The following MYO15A variants were observed in gnomAD, a reference collection of about 807,000 sequenced individuals.
MYO15A encodes the protein myosin XVA.
MYO15A carries 308 observed loss-of-function variants against 394.6 expected under a neutral mutation model. That is an observed-to-expected ratio of 0.78 (90% CI 0.71 to 0.86). The LOEUF is 0.86. MYO15A is among the 40% of genes least tolerant of loss of function. MYO15A has a pLI of 0.00. For synonymous variants in MYO15A, 1,957 were observed against 2,003.8 expected, an observed-to-expected ratio of 0.98 and a Z score of 0.62; for missense variants, 4,606 against 4,799.1, an observed-to-expected ratio of 0.96 and a Z score of 1.19.
chr17:18,126,564 A>G, intron 5 of MYO15A, 108 bp downstream of exon 5: 1 of 1,164,964 alleles, frequency 8.6e-7, no homozygotes, highest in Non-Finnish European at 1.2e-6. Flanking sequence ...GGTAATGGGG[A>G]AAGGCAGCCC....
rs370844496 is a variant in MYO15A at position 18,136,589 on chromosome 17, C to T, written c.4682C>T (p.Ala1561Val). The stretch of plus-strand genomic sequence containing the variant: ...GACGCCATCGCCAAGGTCTTGTATG[C>T]ACTGCTGTTCAGCTGGCTCATCACC... Reference protein sequence around the residue: ...ARDAIAKVLYALLFSWLITRV... With the variant: ...ARDAIAKVLYVLLFSWLITRV... The change falls in exon 15 of 66, where the codon GCA (alanine) becomes GTA (valine). Residue 1561 changes from alanine to valine, a missense_variant. This residue lies in a region of MYO15A where 2,776 missense variants were observed against 3,109.3 expected (regional missense o/e 0.89). Transcript: ENST00000647165. 42 of 1,613,938 alleles carry T rather than the reference C, an allele frequency of 2.6e-5. No individual in the cohort carries two copies. The highest frequency in any genetic ancestry group is 2.7e-5 in the Non-Finnish European group (32 of 1,180,058).
At chr17:18,175,589 C>T (rs867666272) in intron 65 of MYO15A, among the ~76,000 whole-genome samples, 3 of 152,124 alleles carry the variant, frequency 2.0e-5, no homozygotes, top group Admixed American at 1.3e-4. Context: ...AGCCACCACT[C>T]CTGGCCCCCT....
At position 18,141,650 on chromosome 17, in the gene MYO15A, C is replaced by A. The variant is rs1246874281; in HGVS notation, c.5532-3C>A. On this transcript the variant is annotated splice_region_variant and splice_polypyrimidine_tract_variant and intron_variant, in intron 22 of 65. Coordinates refer to ENST00000647165, the MANE Select transcript of MYO15A (RefSeq NM_016239.4). Reference sequence around the variant, plus strand: ...CCCAGACTAACTTTGGGCCCCCTACCAGGTACTGCTGTCTAGTGGCCCTCA... The same window carrying A: ...CCCAGACTAACTTTGGGCCCCCTACAAGGTACTGCTGTCTAGTGGCCCTCA... The A allele has an allele frequency of 6.2e-7, 1 of 1,613,672 alleles. No homozygotes were observed. Among genetic ancestry groups the A allele is most frequent in the Non-Finnish European group, 8.5e-7 (1 of 1,179,824 alleles).
intron 44 of MYO15A, among the ~76,000 whole-genome samples, chr17:18,154,427 G>C (rs533967199): frequency 6.6e-6 from 1 of 152,198 alleles, no homozygotes; most frequent in African/African-American, 2.4e-5. Flanking sequence ...GAGATCAAAT[G>C]TAAACCCTGT....
chr17:18,131,447 T>C (rs1436804335), intron 9 of MYO15A, 21 bp from the exon 10 acceptor site: 1 of 1,613,858 alleles, frequency 6.2e-7, no homozygotes, highest in African/African-American at 1.3e-5. Context: ...CACTGAGAGC[T>C]GACTGTGCTC....
At chr17:18,156,850 C>T in intron 48 of MYO15A, 104 bp from the exon 49 acceptor site, 1 of 1,045,556 alleles carries the variant, frequency 9.6e-7, no homozygotes, top group Non-Finnish European at 1.5e-6. Context: ...TGAAGGCTCC[C>T]TTCCCTGATG....
In MYO15A at chr17:18,122,409, G is replaced by A. The variant is rs2045956468; in HGVS notation, c.3609G>A (p.Lys1203=). The A allele has an allele frequency of 6.2e-7, 1 of 1,611,624 alleles. No homozygotes were observed. The highest frequency in any genetic ancestry group is 1.1e-5 in the South Asian group (1 of 90,866). ...TCGGCCCGCCAAGCTGGCGGAACAA[G>A]GTATGGAGGCACAGATTACACGGAG... ...EEVGPPSWRN[K]MHSIRNLPSM... Residue 1203 remains lysine, a splice_region_variant and synonymous_variant, in exon 2 of 66, where the codon AAG becomes AAA. Coordinates refer to ENST00000647165, the MANE Select transcript of MYO15A (RefSeq NM_016239.4).
intron 30 of MYO15A, among the ~76,000 whole-genome samples, chr17:18,146,413 T>G (rs977965033): frequency 1.3e-5 from 2 of 152,122 alleles, no homozygotes; most frequent in African/African-American, 4.8e-5. Flanking sequence ...GAGAGTTTAA[T>G]GGGGTGGTTA....
At chr17:18,133,526 T>G in intron 12 of MYO15A, 140 bp downstream of exon 12, 1 of 1,192,862 alleles carries the variant, frequency 8.4e-7, no homozygotes, top group Non-Finnish European at 1.1e-6. Flanking sequence ...CCTTTGGGGT[T>G]GTTCATCTTT....
In MYO15A at chr17:18,141,753, C is replaced by T. The variant is rs1193511895; in HGVS notation, c.5632C>T (p.Arg1878Cys). The change falls in exon 23 of 66, where the codon CGT (arginine) becomes TGT (cysteine). Residue 1878 changes from arginine (R) to cysteine (C), a missense_variant. Around this residue, in one of 2 missense-constraint regions of MYO15A, gnomAD observed 2,776 missense variants for 3,109.3 expected, o/e 0.89. Transcript: ENST00000647165. Reference protein sequence around the residue: ...RLCKVMPNMYRVGVSKLFLKE... With the variant: ...RLCKVMPNMYCVGVSKLFLKE... ...GTGCAAAGTCATGCCAAACATGTAC[C>T]GTGTTGGGGTCAGCAAGGTGAGTCC... 9 of 1,613,978 alleles carry T rather than the reference C, an allele frequency of 5.6e-6. No individual in the cohort carries two copies. The highest frequency in any genetic ancestry group is 2.2e-5 in the East Asian group (1 of 44,896).
rs776829342 is a variant in MYO15A at position 18,155,421 on chromosome 17, G to A, written c.8448G>A (p.Leu2816=). 1 of 1,613,222 alleles carries A rather than the reference G, an allele frequency of 6.2e-7. No homozygotes were observed. Among genetic ancestry groups the A allele is most frequent in the South Asian group, 1.1e-5 (1 of 91,076 alleles). The change falls in exon 47 of 66, where the codon CTG becomes CTA. Residue 2816 remains leucine, a synonymous_variant. Transcript: ENST00000647165. Reference sequence around the variant, plus strand: ...AGGCCGGCGGGCAGCTGCGGGTCCTGCGTGCATACAGGTGACCAGCAGGGG... The same window carrying A: ...AGGCCGGCGGGCAGCTGCGGGTCCTACGTGCATACAGGTGACCAGCAGGGG... ...GQEAGGQLRV[L]RAYSFADILF... is the part of the protein sequence containing the mutation.
In MYO15A at chr17:18,148,079, G is replaced by T; in HGVS notation, c.6560G>T (p.Arg2187Leu). 1 of 1,613,912 alleles carries T rather than the reference G, an allele frequency of 6.2e-7. No homozygotes were observed. The highest frequency in any genetic ancestry group is 1.1e-5 in the South Asian group (1 of 91,088). The change falls in exon 31 of 66, where the codon CGC becomes CTC. Residue 2187 changes from arginine to leucine, a missense_variant. Around this residue, in one of 2 missense-constraint regions of MYO15A, gnomAD observed 2,776 missense variants for 3,109.3 expected, o/e 0.89. Transcript: ENST00000647165. This position sits in a 1 kb window ranked among gnomAD's most constrained non-coding sequence, Gnocchi z 4.8. ...RNGFQAVCQH[R>L]LMQAMGRAQQ... The stretch of plus-strand genomic sequence containing the variant: ...GGCTTCCAGGCTGTGTGTCAGCACC[G>T]CCTCATGCAGGCCATGGGCCGGGCC...
rs1038038058 is a variant in MYO15A, at chr17:18,176,410, G to A, written c.10492-2359G>A. Among the ~76,000 whole-genome samples the A allele has an allele frequency of 2.0e-5, 3 of 152,048 alleles. No individual in the cohort carries two copies. In the East Asian group the frequency reaches 5.8e-4, roughly 29 times the overall value. Reference sequence around the variant, plus strand: ...CGTCTCTCGTGTGAACTATTAGAGTGAGGACTCACTCATTACCTTGGGTAA... The same window carrying A: ...CGTCTCTCGTGTGAACTATTAGAGTAAGGACTCACTCATTACCTTGGGTAA... On this transcript the variant is annotated intron_variant, in intron 65 of 65. Coordinates refer to ENST00000647165, the MANE Select transcript of MYO15A (RefSeq NM_016239.4).
rs371925798 is a variant in MYO15A at position 18,117,662 on chromosome 17, G to T, written c.-219-920G>T. ...CCCACCCCCTACCTCTTTTAGTGCA[G>T]GTTCTCAAAAGTGAGTTAGACTGGC... On this transcript the variant is annotated intron_variant, in intron 1 of 65. Transcript: ENST00000647165. The surrounding 1 kb of genome is among the most constrained non-coding windows in gnomAD (Gnocchi z 4.1). 1.7e-4 allele frequency among the ~76,000 whole-genome samples: 26 copies of T among 152,166 alleles called. No homozygotes were observed. The highest frequency in any genetic ancestry group is 3.5e-4 in the Non-Finnish European group (24 of 68,032).
In MYO15A at chr17:18,117,383, G is replaced by A. The variant is rs1179740242; in HGVS notation, c.-219-1199G>A. Among the ~76,000 whole-genome samples the A allele has an allele frequency of 1.3e-5, 2 of 152,262 alleles. No individual in the cohort carries two copies. The highest frequency in any genetic ancestry group is 2.4e-5 in the African/African-American group (1 of 41,470). On this transcript the variant is annotated intron_variant, in intron 1 of 65. Transcript: ENST00000647165. This position sits in a 1 kb window ranked among gnomAD's most constrained non-coding sequence, Gnocchi z 4.1. ...CTGTCCCTGTTTCACAGCTGAGCACGTTGAGGCTCTGAAGCCACTGATCTG... is the reference window on the plus strand; with the variant it reads ...CTGTCCCTGTTTCACAGCTGAGCACATTGAGGCTCTGAAGCCACTGATCTG...
chr17:18,130,376 G>A (rs1190340122), intron 7 of MYO15A, among the ~76,000 whole-genome samples: 1 of 151,618 alleles, frequency 6.6e-6, no homozygotes, highest in Non-Finnish European at 1.5e-5. Flanking sequence ...CTACTGGAGA[G>A]AGAATTCTGG....
chr17:18,163,968 A>C, intron 60 of MYO15A, 130 bp downstream of exon 60: 2 of 858,474 alleles, frequency 2.3e-6, no homozygotes, highest in Non-Finnish European at 1.9e-6. Context: ...CTTGACCCCC[A>C]TGTGGAAGGA....
rs149645312 is a variant in MYO15A at position 18,160,199 on chromosome 17, T to C, written c.9386+182T>C. On this transcript the variant is annotated intron_variant, in intron 56 of 65. Coordinates refer to ENST00000647165, the MANE Select transcript of MYO15A (RefSeq NM_016239.4). ...GGTCTGGAACACACCATTTCTGCTC[T>C]CTGAACTTTAGTGCCCTCATCTGTA... Among the ~76,000 whole-genome samples, 96 of 152,362 alleles carry C rather than the reference T, an allele frequency of 6.3e-4. No homozygotes were observed. In the East Asian group the frequency reaches 0.011, roughly 18 times the overall value.
chr17:18,142,929 C>A, intron 25 of MYO15A, 89 bp downstream of exon 25: 1 of 1,260,286 alleles, frequency 7.9e-7, no homozygotes, highest in South Asian at 1.3e-5. Flanking sequence ...TGGCCTCAGG[C>A]AGTCTTGGGT....
Sources: gnomAD v4.1 joint callset for allele counts (sites outside exome capture counted in the v4.1 genomes callset) on GRCh38, gnomAD v4.1.1 for gene constraint, gnomAD v4.1.1 regional missense constraint, Gnocchi (gnomAD v3.1) non-coding constraint, MANE v1.5 for transcripts, NCBI Gene and HGNC (gene_info 2026-07-23, HGNC 2026-07-21) for gene names.